TTLL9: variants seen among roughly 807,000 people sequenced by gnomAD.
TTLL9 encodes tubulin tyrosine ligase like 9, also known as probable tubulin polyglutamylase TTLL9.
Under a neutral mutation model 65.6 loss-of-function variants are expected in TTLL9, and 47 were observed. That is an observed-to-expected ratio of 0.72 (90% CI 0.57 to 0.91). TTLL9 has a LOEUF of 0.91. Ranked by LOEUF, TTLL9 falls within the 40% of genes least tolerant of loss-of-function variation. TTLL9 has a pLI of 0.00. For synonymous variants in TTLL9, 179 were observed against 204.8 expected (o/e 0.87, Z 1.07); for missense variants, 537 against 568.8 (o/e 0.94, Z 0.57).
chr20:31,906,449 C>G (rs1344196529), intron 4 of TTLL9, among the ~76,000 whole-genome samples: 1 of 152,218 alleles, frequency 6.6e-6, no homozygotes, highest in Non-Finnish European at 1.5e-5. Context: ...GTGTAGGAAT[C>G]TTTTGGAACT....
intron 3 of TTLL9, among the ~76,000 whole-genome samples, chr20:31,896,471 T>G (rs1314699856): frequency 1.3e-5 from 2 of 152,234 alleles, no homozygotes; most frequent in Non-Finnish European, 2.9e-5. Context: ...TCAATTGATA[T>G]AATCATGTGA....
At chr20:31,939,025 A>T in intron 13 of TTLL9, 117 bp from the exon 14 acceptor site, 1 of 1,222,952 alleles carries the variant, frequency 8.2e-7, no homozygotes, top group Non-Finnish European at 1.1e-6. Flanking sequence ...GTTGGGAAAA[A>T]GGACTTCTGA....
At chr20:31,878,807 CTT>C (rs2123375751) in intron 2 of TTLL9, among the ~76,000 whole-genome samples, 1 of 152,286 alleles carries the variant, frequency 6.6e-6, no homozygotes, top group African/African-American at 2.4e-5. Context: ...CAAATGATAA[CTT>C]TGTCTCTTTC....
intron 7 of TTLL9, among the ~76,000 whole-genome samples, chr20:31,920,323 C>T (rs2063798380): frequency 6.6e-6 from 1 of 152,052 alleles, no homozygotes; most frequent in African/African-American, 2.4e-5. Context: ...TTATCTGGGC[C>T]TCCTGCTCAC....
intron 9 of TTLL9, 86 bp downstream of exon 9, chr20:31,925,135 C>G: frequency 7.1e-7 from 1 of 1,399,380 alleles, no homozygotes; most frequent in Non-Finnish European, 1.0e-6. Context: ...CCTGGGGGTA[C>G]CTTGTGTGAG....
At position 31,926,126 on chromosome 20, in the gene TTLL9, C is replaced by T. The variant is rs767646572; in HGVS notation, c.748+35C>T. On this transcript the variant is annotated intron_variant, in intron 10 of 14. Coordinates refer to ENST00000535842, the MANE Select transcript of TTLL9 (RefSeq NM_001008409.5). ...AGGTCTGGTCCCTTCCCTCCGGGAGCTTCCAGTTTTGTGGGGGTGATTCCA... is the reference window on the plus strand; with the variant it reads ...AGGTCTGGTCCCTTCCCTCCGGGAGTTTCCAGTTTTGTGGGGGTGATTCCA... 2.7e-6 allele frequency: 4 copies of T among 1,484,050 alleles called. No individual in the cohort carries two copies. In the South Asian group the frequency reaches 3.4e-5, roughly 13 times the overall value. 91.9% of individuals were successfully genotyped at this position (1,484,050 alleles called of 1,614,324 possible).
chr20:31,939,313 G>T, intron 14 of TTLL9, 47 bp downstream of exon 14: 1 of 1,606,848 alleles, frequency 6.2e-7, no homozygotes, highest in African/African-American at 1.3e-5. Flanking sequence ...GGGGTCATGG[G>T]AGGTACCAGG....
intron 6 of TTLL9, among the ~76,000 whole-genome samples, chr20:31,910,932 G>A (rs572957859): frequency 1.8e-4 from 28 of 152,260 alleles, no homozygotes; most frequent in Non-Finnish European, 3.8e-4. Context: ...CTAGCACTTT[G>A]AGAGTCCAAG....
Position 31,923,009 on chromosome 20 carries a change from A to G in TTLL9, c.620A>G (p.Asn207Ser). ...DDQKDDIPVENYVAQRYIENP... is the reference protein window; with the variant it reads ...DDQKDDIPVESYVAQRYIENP... Reference sequence around the variant, plus strand: ...CAGAAAGATGATATTCCCGTGGAGAACTATGTGGCTCAGCGTTACATTGAA... The same window carrying G: ...CAGAAAGATGATATTCCCGTGGAGAGCTATGTGGCTCAGCGTTACATTGAA... The change falls in exon 8 of 15, where the codon AAC (asparagine) becomes AGC (serine). Residue 207 changes from asparagine (N) to serine (S), a missense_variant. Around this residue, in one of 3 missense-constraint regions of TTLL9, gnomAD observed 320 missense variants for 311.0 expected, o/e 1.03. Coordinates refer to ENST00000535842, the MANE Select transcript of TTLL9 (RefSeq NM_001008409.5). The G allele has an allele frequency of 3.1e-6, 5 of 1,614,110 alleles. No individual in the cohort carries two copies. Among genetic ancestry groups the G allele is most frequent in the Non-Finnish European group, 4.2e-6 (5 of 1,179,966 alleles).
At chr20:31,922,017 C>T (rs2063822945) in intron 7 of TTLL9, among the ~76,000 whole-genome samples, 1 of 151,934 alleles carries the variant, frequency 6.6e-6, no homozygotes, top group Non-Finnish European at 1.5e-5. Flanking sequence ...ACCTGTAATC[C>T]CAGCACTTTG....
chr20:31,905,872 A>G (rs1437431935), intron 4 of TTLL9, among the ~76,000 whole-genome samples: 1 of 152,128 alleles, frequency 6.6e-6, no homozygotes, highest in Non-Finnish European at 1.5e-5. Context: ...TGTCTCTACT[A>G]AAAATACAAA....
rs1460673765 is a variant in TTLL9 at position 31,890,096 on chromosome 20, CCCTCCCTTCCTT to C, written c.113+2861_113+2872del. 1.4e-3 allele frequency among the ~76,000 whole-genome samples: 105 copies of C among 73,908 alleles called. 6 individuals are homozygous for C. The highest frequency in any genetic ancestry group is 4.6e-3 in the African/African-American group (67 of 14,612). 48.5% of individuals were successfully genotyped at this position (73,908 alleles called of 152,430 possible). ...GCTTTCTTGCTTTCTTGCTTTCTTT[CCCTCCCTTCCTT>C]CCTTCCTTCCTTCCTTCCTTCCTTC... On this transcript the variant is annotated intron_variant, in intron 3 of 14. Coordinates refer to ENST00000535842, the MANE Select transcript of TTLL9 (RefSeq NM_001008409.5).
intron 4 of TTLL9, among the ~76,000 whole-genome samples, chr20:31,904,439 C>A (rs2063522702): frequency 6.7e-6 from 1 of 148,662 alleles, no homozygotes; most frequent in African/African-American, 2.5e-5. Context: ...GTCACTGCAG[C>A]CTTGACCCTC....
chr20:31,930,804 T>C (rs1487489037), intron 10 of TTLL9, among the ~76,000 whole-genome samples: 1 of 152,224 alleles, frequency 6.6e-6, no homozygotes, highest in Non-Finnish European at 1.5e-5. Flanking sequence ...ATTTTGATTG[T>C]ATGTTTACTC....
intron 13 of TTLL9, among the ~76,000 whole-genome samples, chr20:31,938,434 C>T (rs2064153418): frequency 6.6e-6 from 1 of 152,152 alleles, no homozygotes; most frequent in Non-Finnish European, 1.5e-5. Context: ...ACTATTCCTA[C>T]CATCACCTAT....
rs1555800249 is a variant in TTLL9 at position 31,873,832 on chromosome 20, G to GAAAGAAAGAA, written c.69+2639_69+2648dup. The stretch of plus-strand genomic sequence containing the variant: ...AGGAAGGAAGGAAGGAAGAAAGAAA[G>GAAAGAAAGAA]AAAGAAAGAAAGAAAGAAAGAAAGA... On this transcript the variant is annotated intron_variant, in intron 2 of 14. Coordinates refer to ENST00000535842, the MANE Select transcript of TTLL9 (RefSeq NM_001008409.5). Among the ~76,000 whole-genome samples, 130 of 75,752 alleles carry GAAAGAAAGAA rather than the reference G, an allele frequency of 1.7e-3. 1 individual carries two copies. The highest frequency in any genetic ancestry group is 5.3e-3 in the African/African-American group (109 of 20,570). The allele number at this position is 75,752 out of a possible 152,430, so 49.7% of individuals were successfully genotyped here.
intron 6 of TTLL9, 27 bp downstream of exon 6, chr20:31,909,949 TGGGA>T: frequency 2.0e-5 from 17 of 831,394 alleles, no homozygotes; most frequent in Non-Finnish European, 3.3e-5. Context: ...AGGGGCTGGG[TGGGA>T]GGGAATGAGT....
At chr20:31,899,747 T>A (rs971564347) in intron 4 of TTLL9, among the ~76,000 whole-genome samples, 1 of 151,278 alleles carries the variant, frequency 6.6e-6, no homozygotes, top group Non-Finnish European at 1.5e-5. Flanking sequence ...CAAACCCAGC[T>A]ACAAGGGAAT....
intron 7 of TTLL9, among the ~76,000 whole-genome samples, chr20:31,921,812 G>A (rs571419470): frequency 6.6e-6 from 1 of 152,186 alleles, no homozygotes; most frequent in African/African-American, 2.4e-5. Context: ...ATCACACACC[G>A]GGGCTTATTT....
Sources: allele counts gnomAD v4.1 joint callset (sites outside exome capture counted in the v4.1 genomes callset), GRCh38; gene constraint gnomAD v4.1.1; regional missense constraint gnomAD v4.1.1; transcripts MANE v1.5; gene names NCBI Gene and HGNC (gene_info 2026-07-23, HGNC 2026-07-21).